The following MTR variants were observed in gnomAD, a reference collection of about 807,000 sequenced individuals.
The protein encoded by MTR is methionine synthase.
A neutral mutation model predicts 154.8 loss-of-function variants in MTR; 84 were observed. That is an observed-to-expected ratio of 0.54 (90% CI 0.45 to 0.65). The LOEUF (loss-of-function observed/expected upper bound fraction) is 0.65. MTR is among the 30% of genes least tolerant of loss of function. MTR has a pLI of 0.00. For synonymous variants in MTR, 554 were observed against 553.9 expected, an observed-to-expected ratio of 1.00 and a Z score of 0.00; for missense variants, 1,275 against 1,570.2, an observed-to-expected ratio of 0.81 and a Z score of 3.18.
rs1661126798 is a variant in MTR, at chr1:236,808,696, T to TA, written c.340-7dup. On this transcript the variant is annotated splice_polypyrimidine_tract_variant and splice_region_variant and intron_variant, in intron 3 of 32. Coordinates refer to ENST00000366577, the MANE Select transcript of MTR (RefSeq NM_000254.3). ...AGGACAAGCTAACGTTTGTGGTTGATACGTTAGGCCTACCGGATGAACATG... is the reference window on the plus strand; with the variant it reads ...AGGACAAGCTAACGTTTGTGGTTGATAACGTTAGGCCTACCGGATGAACATG... The TA allele has an allele frequency of 6.2e-7, 1 of 1,613,784 alleles. No individual in the cohort carries two copies. Among genetic ancestry groups the TA allele is most frequent in the Non-Finnish European group, 8.5e-7 (1 of 1,179,800 alleles).
chr1:236,895,718 A>G (rs529698787), intron 31 of MTR, among the ~76,000 whole-genome samples, 168 bp downstream of exon 31: 7 of 152,330 alleles, frequency 4.6e-5, no homozygotes, highest in Non-Finnish European at 1.0e-4. Flanking sequence ...TTACTTCAGT[A>G]TTACTGATTA....
At chr1:236,894,264 C>T (rs1666494362) in intron 29 of MTR, 93 bp from the exon 30 acceptor site, 1 of 1,231,408 alleles carries the variant, frequency 8.1e-7, no homozygotes, top group Admixed American at 1.8e-5. Context: ...AGCTTATTCT[C>T]ATTTGACGAT....
At chr1:236,873,484 C>G (rs980729752) in intron 22 of MTR, among the ~76,000 whole-genome samples, 4 of 152,062 alleles carry the variant, frequency 2.6e-5, no homozygotes, top group African/African-American at 9.7e-5. Flanking sequence ...AAAAAAATAA[C>G]ATACCAGAAA....
At chr1:236,891,017 T>C in intron 28 of MTR, 116 bp from the exon 29 acceptor site, 2 of 1,212,070 alleles carry the variant, frequency 1.7e-6, no homozygotes, top group Non-Finnish European at 1.2e-6. Flanking sequence ...TTGAGGAAAA[T>C]GGAGAAGCCT....
Position 236,842,424 on chromosome 1 carries a change from G to C in MTR, c.1515+3825G>C, listed in dbSNP as rs756615872. ...ATATTATTGAGATATTGAATGTTTTGGACAGGTTGCCTAATTTTCTTATAT... is the reference window on the plus strand; with the variant it reads ...ATATTATTGAGATATTGAATGTTTTCGACAGGTTGCCTAATTTTCTTATAT... On this transcript the variant is annotated intron_variant, in intron 15 of 32. Coordinates refer to ENST00000366577, the MANE Select transcript of MTR (RefSeq NM_000254.3). Among the ~76,000 whole-genome samples, 76 of 151,924 alleles carry C rather than the reference G, an allele frequency of 5.0e-4. 1 individual carries two copies. Among genetic ancestry groups the C allele is most frequent in the Admixed American group, 1.6e-3 (25 of 15,270 alleles).
At chr1:236,896,866 G>C (rs1420765457) in intron 31 of MTR, 140 bp from the exon 32 acceptor site, 1 of 765,484 alleles carries the variant, frequency 1.3e-6, no homozygotes, top group African/African-American at 1.7e-5. Flanking sequence ...CAGCTTTCAT[G>C]CTGTGTCATG....
At chr1:236,890,483 C>T (rs1666255494) in intron 28 of MTR, among the ~76,000 whole-genome samples, 3 of 152,134 alleles carry the variant, frequency 2.0e-5, no homozygotes, top group Non-Finnish European at 4.4e-5. Flanking sequence ...GACTTCACAG[C>T]GACCTCTGGG....
Position 236,861,234 on chromosome 1 carries a change from T to C in MTR, c.2153T>C (p.Ile718Thr). 1 of 1,613,388 alleles carries C rather than the reference T, an allele frequency of 6.2e-7. No homozygotes were observed. Among genetic ancestry groups the C allele is most frequent in the Non-Finnish European group, 8.5e-7 (1 of 1,179,876 alleles). ...IEGPLMNGMK[I>T]VGDLFGAGKM... ...GGACCCCTGATGAATGGAATGAAAA[T>C]TGTTGGTGATCTTTTTGGAGCTGGA... is the stretch of plus-strand genomic sequence containing the variant. The change falls in exon 20 of 33, where the codon ATT (isoleucine) becomes ACT (threonine). Residue 718 changes from isoleucine to threonine, a missense_variant. Transcript: ENST00000366577.
chr1:236,850,419 C>T lies in MTR; in HGVS notation c.1591C>T (p.Pro531Ser). The T allele has an allele frequency of 6.2e-7, 1 of 1,613,638 alleles. No homozygotes were observed. Among genetic ancestry groups the T allele is most frequent in the Admixed American group, 1.7e-5 (1 of 59,954 alleles). ...GCTTGTGAAAAAACTGGGCTTTAAT[C>T]CAAATGACATTATTTTTGACCCTAA... ...HLLVKKLGFN[P>S]NDIIFDPNIL... Residue 531 changes from proline to serine, a missense_variant, in exon 16 of 33, where the codon CCA becomes TCA. Physicochemically the swap from Pro to Ser is moderately conservative, Grantham distance 74. Transcript: ENST00000366577.
chr1:236,894,202 AG>A lies in MTR; in HGVS notation c.3205-154del, dbSNP rs1176748781. On this transcript the variant is annotated intron_variant, in intron 29 of 32. Coordinates refer to ENST00000366577, the MANE Select transcript of MTR (RefSeq NM_000254.3). ...TCACTATGTGTCAGACACAATTCCAAGTACTGGGGATGTAACAGTGCACAAT... is the reference window on the plus strand; with the variant it reads ...TCACTATGTGTCAGACACAATTCCAATACTGGGGATGTAACAGTGCACAAT... 4.5e-4 allele frequency: 319 copies of A among 704,756 alleles called. 6 individuals carry two copies. The East Asian group carries it at 8.1e-3, about 18-fold the overall frequency. 43.7% of individuals were successfully genotyped at this position (704,756 alleles called of 1,614,324 possible).
At chr1:236,811,441 A>G (rs970558788) in intron 5 of MTR, among the ~76,000 whole-genome samples, 2 of 152,258 alleles carry the variant, frequency 1.3e-5, no homozygotes, top group Non-Finnish European at 1.5e-5. Context: ...CATCAAGACT[A>G]TAGAAAACAA....
Position 236,844,612 on chromosome 1 carries a change from G to C in MTR, c.1516-5732G>C, listed in dbSNP as rs111485007. Among the ~76,000 whole-genome samples the C allele has an allele frequency of 4.6e-3, 702 of 152,220 alleles. 11 individuals carry two copies. Among genetic ancestry groups the C allele is most frequent in the African/African-American group, 0.016 (680 of 41,534 alleles). On this transcript the variant is annotated intron_variant, in intron 15 of 32. Transcript: ENST00000366577. ...ACATTTGCCAGAGCCATGACCTTGT[G>C]AGTTGAGAGAGATGGCAGTCACTGT...
intron 12 of MTR, among the ~76,000 whole-genome samples, chr1:236,829,900 T>G (rs1662511457): frequency 6.6e-6 from 1 of 152,216 alleles, no homozygotes; most frequent in South Asian, 2.1e-4. Context: ...TTCAGTATGT[T>G]CATGATGTAT....
Position 236,803,462 on chromosome 1 carries a change from T to G in MTR, c.69T>G (p.Asn23Lys), listed in dbSNP as rs1300477913. 6.2e-7 allele frequency: 1 copy of G among 1,614,038 alleles called. No homozygotes were observed. The highest frequency in any genetic ancestry group is 1.3e-5 in the African/African-American group (1 of 74,926). ...AGAAAACCCTGCGGGATGAGATCAA[T>G]GCCATTCTGCAGAAGAGGATTATGG... ...GLKKTLRDEINAILQKRIMVL... is the reference protein window; with the variant it reads ...GLKKTLRDEIKAILQKRIMVL... The change falls in exon 2 of 33, where the codon AAT (asparagine) becomes AAG (lysine). Residue 23 changes from asparagine (N) to lysine (K), a missense_variant. Physicochemically the swap from Asn to Lys is moderately conservative, Grantham distance 94. Transcript: ENST00000366577.
intron 24 of MTR, among the ~76,000 whole-genome samples, chr1:236,879,315 T>G (rs974132864): frequency 5.9e-5 from 9 of 152,222 alleles, no homozygotes; most frequent in African/African-American, 1.9e-4. Context: ...ACAGGATTGG[T>G]TGGTTGTTTG....
intron 18 of MTR, among the ~76,000 whole-genome samples, chr1:236,857,719 A>G (rs1664285573): frequency 6.6e-6 from 1 of 152,240 alleles, no homozygotes; most frequent in African/African-American, 2.4e-5. Flanking sequence ...GCAGAAATGT[A>G]TAGAGGTGAT....
Position 236,795,646 on chromosome 1 carries a change from C to G in MTR, c.-58C>G, listed in dbSNP as rs1010140019. The G allele has an allele frequency of 1.2e-6, 2 of 1,611,788 alleles. No individual in the cohort carries two copies. Among genetic ancestry groups the G allele is most frequent in the Non-Finnish European group, 1.7e-6 (2 of 1,179,786 alleles). On this transcript the variant is annotated 5_prime_UTR_variant, in exon 1 of 33. Transcript: ENST00000366577. ...CTGGCGTGGCCCTTGGCCGTCGTCA[C>G]CTGTGGAGAGCACGTCTTCTCTGCC...
rs1347143214 is a variant in MTR at position 236,795,641 on chromosome 1, C to T, written c.-63C>T. On this transcript the variant is annotated 5_prime_UTR_variant, in exon 1 of 33. Transcript: ENST00000366577. ...GCTGGCTGGCGTGGCCCTTGGCCGT[C>T]GTCACCTGTGGAGAGCACGTCTTCT... is the stretch of plus-strand genomic sequence containing the variant. The T allele has an allele frequency of 6.2e-6, 10 of 1,610,390 alleles. No homozygotes were observed. In the East Asian group the frequency reaches 2.0e-4, roughly 32 times the overall value.
In MTR at chr1:236,897,594, G is replaced by A. The variant is rs1180345525; in HGVS notation, c.3748G>A (p.Ala1250Thr). Residue 1250 changes from alanine to threonine, a missense_variant, in exon 33 of 33, where the codon GCT becomes ACT. Transcript: ENST00000366577. ...TGCATTGAGGAAGAACATATCTGTGGCTGAGGTTGAGAAATGGCTTGGACC... is the reference window on the plus strand; with the variant it reads ...TGCATTGAGGAAGAACATATCTGTGACTGAGGTTGAGAAATGGCTTGGACC... The part of the protein sequence containing the change: ...DYALRKNISV[A>T]EVEKWLGPIL... 1.5e-5 allele frequency: 24 copies of A among 1,613,722 alleles called. No individual in the cohort carries two copies. Among genetic ancestry groups the A allele is most frequent in the Non-Finnish European group, 1.9e-5 (23 of 1,180,002 alleles).
Sources: gnomAD v4.1 joint callset for allele counts (sites outside exome capture counted in the v4.1 genomes callset) on GRCh38, gnomAD v4.1.1 for gene constraint, MANE v1.5 for transcripts, NCBI Gene and HGNC (gene_info 2026-07-23, HGNC 2026-07-21) for gene names.